The following CSMD1 variants were observed in gnomAD, a reference collection of about 807,000 sequenced individuals.
The protein encoded by CSMD1 is CUB and sushi domain-containing protein 1.
CSMD1 carries 213 observed loss-of-function variants against 417.5 expected under a neutral mutation model. That is an observed-to-expected ratio of 0.51 (90% CI 0.46 to 0.57). The LOEUF is 0.57. CSMD1 is among the 20% of genes least tolerant of loss of function. The pLI is 0.00. For missense variants in CSMD1, 6,923 were observed against 4,529.7 expected (o/e 1.53, Z -15.17); for synonymous variants, 2,862 against 1,736.8 (o/e 1.65, Z -16.11).
At chr8:3,170,749 G>A (rs1290049601) in intron 37 of CSMD1, among the ~76,000 whole-genome samples, 1 of 152,156 alleles carries the variant, frequency 6.6e-6, no homozygotes, top group Admixed American at 6.5e-5. Flanking sequence ...CTTTAAAATA[G>A]TGAACTGTGT....
Position 3,724,305 on chromosome 8 carries a change from G to A in CSMD1, c.932-15814C>T, listed in dbSNP as rs1032357073. On this transcript the variant is annotated intron_variant, in intron 6 of 69. Transcript: ENST00000635120. ...GCTGGTGTGCCGCACCCACTAACTC[G>A]TCATCTAGCATTAGGTATATCTCCC... Among the ~76,000 whole-genome samples the A allele has an allele frequency of 8.6e-5, 13 of 151,586 alleles. No homozygotes were observed. The South Asian group carries it at 1.5e-3, about 17-fold the overall frequency.
At chr8:4,683,582 G>C (rs767240925) in intron 1 of CSMD1, among the ~76,000 whole-genome samples, 1 of 152,198 alleles carries the variant, frequency 6.6e-6, no homozygotes, top group Admixed American at 6.5e-5. Flanking sequence ...ACTGTTGGTA[G>C]TGGAGCCAGA....
At chr8:4,829,125 G>C (rs1325274368) in intron 1 of CSMD1, among the ~76,000 whole-genome samples, 1 of 152,126 alleles carries the variant, frequency 6.6e-6, no homozygotes, top group Non-Finnish European at 1.5e-5. Flanking sequence ...ATCTGTTTCA[G>C]TCCTTTTGGT....
chr8:3,663,399 T>C (rs980838823), intron 7 of CSMD1, among the ~76,000 whole-genome samples: 1 of 152,094 alleles, frequency 6.6e-6, no homozygotes, highest in Non-Finnish European at 1.5e-5. Flanking sequence ...CCCTGACTGC[T>C]TTTAAGACAT....
At chr8:3,325,118 A>G (rs1481398950) in intron 23 of CSMD1, among the ~76,000 whole-genome samples, 1 of 152,230 alleles carries the variant, frequency 6.6e-6, no homozygotes, top group African/African-American at 2.4e-5. Flanking sequence ...ATCATTAAAA[A>G]TGACCTACAT....
chr8:3,994,695 T>A (rs1815065466), intron 5 of CSMD1, among the ~76,000 whole-genome samples: 1 of 152,182 alleles, frequency 6.6e-6, no homozygotes, highest in Admixed American at 6.6e-5. Flanking sequence ...AACGTATGTT[T>A]AATATAAAGA....
intron 1 of CSMD1, among the ~76,000 whole-genome samples, chr8:4,946,071 C>G (rs10109946): frequency 0.99 from 151,464 of 152,286 alleles, 75,331 homozygotes; most frequent in Middle Eastern, 1. Context: ...TTGCCGCTGG[C>G]AACGAAAGTC....
At chr8:4,576,251 T>C (rs1389809436) in intron 2 of CSMD1, among the ~76,000 whole-genome samples, 1 of 152,208 alleles carries the variant, frequency 6.6e-6, no homozygotes, top group African/African-American at 2.4e-5. Context: ...CCCTTCTAGT[T>C]CCTCTACAAA....
intron 7 of CSMD1, among the ~76,000 whole-genome samples, chr8:3,640,714 G>A (rs1418814474): frequency 1.3e-5 from 2 of 152,194 alleles, no homozygotes; most frequent in Non-Finnish European, 2.9e-5. Context: ...AACCAGTTGT[G>A]TAGAAACCAT....
chr8:3,054,653 G>A (rs1358316680), intron 49 of CSMD1, among the ~76,000 whole-genome samples: 3 of 152,070 alleles, frequency 2.0e-5, no homozygotes, highest in African/African-American at 4.8e-5. Flanking sequence ...GTGTGTGTGT[G>A]CACATGCATA....
chr8:4,524,073 G>C (rs982560595), intron 2 of CSMD1, among the ~76,000 whole-genome samples: 1 of 151,890 alleles, frequency 6.6e-6, no homozygotes, highest in Admixed American at 6.6e-5. Flanking sequence ...TAGAATGAAC[G>C]AACAACTAGA....
At chr8:4,157,214 C>G (rs79383594) in intron 3 of CSMD1, among the ~76,000 whole-genome samples, 1 of 152,200 alleles carries the variant, frequency 6.6e-6, no homozygotes, top group East Asian at 1.9e-4. Flanking sequence ...ATTTCAGTGT[C>G]CACAGAAGGA....
chr8:3,275,993 A>G (rs1802259591), intron 26 of CSMD1, among the ~76,000 whole-genome samples: 1 of 152,128 alleles, frequency 6.6e-6, no homozygotes, highest in African/African-American at 2.4e-5. Flanking sequence ...CCTTTGGAGG[A>G]GGAGAGGCAC....
chr8:3,485,120 A>T (rs1017769129), intron 11 of CSMD1, among the ~76,000 whole-genome samples: 2 of 152,240 alleles, frequency 1.3e-5, no homozygotes, highest in Non-Finnish European at 2.9e-5. Context: ...CAAATGTCAT[A>T]GTAGCTTTCT....
At chr8:4,046,275 G>A (rs1289438458) in intron 3 of CSMD1, among the ~76,000 whole-genome samples, 1 of 152,026 alleles carries the variant, frequency 6.6e-6, no homozygotes, top group Non-Finnish European at 1.5e-5. Flanking sequence ...TGAATTCTTG[G>A]CTGTTTCTCA....
At position 3,175,778 on chromosome 8, in the gene CSMD1, T is replaced by C. The variant is rs539216611; in HGVS notation, c.5725+5332A>G. Among the ~76,000 whole-genome samples, 12 of 152,340 alleles carry C rather than the reference T, an allele frequency of 7.9e-5. No homozygotes were observed. In the South Asian group the frequency reaches 2.1e-3, roughly 26 times the overall value. On this transcript the variant is annotated intron_variant, in intron 37 of 69. Coordinates refer to ENST00000635120, the MANE Select transcript of CSMD1 (RefSeq NM_033225.6). ...AGTAACTTAAATTTGCTTTGCAGAA[T>C]ATATTAGTATTATATCTTATGGATT...
chr8:4,103,566 C>A (rs908586068), intron 3 of CSMD1, among the ~76,000 whole-genome samples: 55 of 151,890 alleles, frequency 3.6e-4, no homozygotes, highest in African/African-American at 9.7e-4. Context: ...AAGTTTGATA[C>A]GATGGATACA....
intron 1 of CSMD1, among the ~76,000 whole-genome samples, chr8:4,982,618 A>C (rs866906493): frequency 3.9e-5 from 6 of 152,246 alleles, no homozygotes; most frequent in Admixed American, 3.3e-4. Flanking sequence ...AAAGGTAAGA[A>C]GAAATGATAG....
intron 3 of CSMD1, among the ~76,000 whole-genome samples, chr8:4,310,010 G>A (rs764247222): frequency 4.6e-5 from 7 of 152,096 alleles, no homozygotes; most frequent in Non-Finnish European, 8.8e-5. Context: ...TGGAAAACAC[G>A]CTAAAAGGTA....
Sources: allele counts gnomAD v4.1 joint callset (sites outside exome capture counted in the v4.1 genomes callset), GRCh38; gene constraint gnomAD v4.1.1; transcripts MANE v1.5; gene names NCBI Gene and HGNC (gene_info 2026-07-23, HGNC 2026-07-21).